LARGE1: variants seen among roughly 807,000 people sequenced by gnomAD.
The protein encoded by LARGE1 is xylosyl- and glucuronyltransferase LARGE1.
In LARGE1, 43 loss-of-function variants were observed where a neutral mutation model predicts 87.6. The observed-to-expected ratio is 0.49, with a 90% CI of 0.38 to 0.63. The LOEUF (loss-of-function observed/expected upper bound fraction) is 0.63. LARGE1 is among the 30% of genes least tolerant of loss of function. The probability of loss-of-function intolerance (pLI) is 0.00; values close to 1 mark genes in which losing one functional copy is unlikely to be tolerated. For missense variants in LARGE1, 802 were observed against 1,000.2 expected, an observed-to-expected ratio of 0.80 and a Z score of 2.67; for synonymous variants, 434 against 394.6, an observed-to-expected ratio of 1.10 and a Z score of -1.18.
chr22:33,638,115 C>T (rs28656978), intron 3 of LARGE1, among the ~76,000 whole-genome samples: 14,852 of 152,130 alleles, frequency 0.098, 2,342 homozygotes, highest in African/African-American at 0.33. Flanking sequence ...TGTCTAAATG[C>T]TATGATAGTA....
the LARGE1 span, among the ~76,000 whole-genome samples, chr22:33,151,195 T>A: frequency 3.3e-5 from 5 of 152,320 alleles, no homozygotes; most frequent in South Asian, 8.3e-4. Flanking sequence ...ATGTAAGAAT[T>A]CAATTTTTAG....
intron 9 of LARGE1, among the ~76,000 whole-genome samples, chr22:33,370,751 T>C (rs1376074038): frequency 6.6e-6 from 1 of 151,008 alleles, no homozygotes; most frequent in Non-Finnish European, 1.5e-5. Context: ...TAATACATAT[T>C]ATATTATAGA....
chr22:33,273,166 G>C lies in LARGE1; in HGVS notation c.*1261C>G. 2.7e-6 allele frequency: 1 copy of C among 369,842 alleles called. No individual in the cohort carries two copies. Among genetic ancestry groups the C allele is most frequent in the Non-Finnish European group, 4.8e-6 (1 of 208,444 alleles). The allele number at this position is 369,842 out of a possible 1,614,324, so 22.9% of individuals were successfully genotyped here. On this transcript the variant is annotated 3_prime_UTR_variant, in exon 15 of 15. Coordinates refer to ENST00000397394, the MANE Select transcript of LARGE1 (RefSeq NM_133642.5). Reference sequence around the variant, plus strand: ...ATACAAACAGCCCAGCAGAGGGTAGGGCATTAACTCTTGTTCTCATCAATG... The same window carrying C: ...ATACAAACAGCCCAGCAGAGGGTAGCGCATTAACTCTTGTTCTCATCAATG...
chr22:33,466,166 C>T (rs546076554), intron 6 of LARGE1, among the ~76,000 whole-genome samples: 5 of 152,308 alleles, frequency 3.3e-5, no homozygotes, highest in South Asian at 2.1e-4. Context: ...CTCATGCCCA[C>T]GCACATGCTG....
intron 1 of LARGE1, among the ~76,000 whole-genome samples, chr22:33,794,009 TAA>T (rs1406786152): frequency 6.7e-6 from 1 of 149,096 alleles, no homozygotes. Flanking sequence ...GCAGGGAAAA[TAA>T]AGTTTATTAA....
chr22:33,265,628 C>A (rs1927894014), intron 11 of LARGE1, among the ~76,000 whole-genome samples: 1 of 152,188 alleles, frequency 6.6e-6, no homozygotes. Flanking sequence ...ACCCATCTGC[C>A]TCTCATGAGG....
chr22:33,611,888 G>A (rs1348781287), intron 4 of LARGE1, among the ~76,000 whole-genome samples: 1 of 152,136 alleles, frequency 6.6e-6, no homozygotes, highest in Non-Finnish European at 1.5e-5. Flanking sequence ...TCTCATGTGA[G>A]CTGGCTGTTT....
At chr22:33,822,516 TGGTG>T (rs1390357347) in intron 1 of LARGE1, among the ~76,000 whole-genome samples, 4 of 152,142 alleles carry the variant, frequency 2.6e-5, no homozygotes, top group Non-Finnish European at 5.9e-5. Context: ...CTGGCCAACA[TGGTG>T]AAGCCCCATC....
At chr22:33,441,629 ATT>A (rs1260216280) in intron 6 of LARGE1, among the ~76,000 whole-genome samples, 1 of 150,668 alleles carries the variant, frequency 6.6e-6, no homozygotes, top group Non-Finnish European at 1.5e-5. Context: ...CTAACTTTAA[ATT>A]TTTTTTTGTA....
chr22:33,739,520 G>A (rs1208205610), intron 2 of LARGE1, among the ~76,000 whole-genome samples: 1 of 152,242 alleles, frequency 6.6e-6, no homozygotes, highest in African/African-American at 2.4e-5. Context: ...TTCTATTTGA[G>A]GGAGTATTTT....
intron 1 of LARGE1, among the ~76,000 whole-genome samples, chr22:33,811,721 C>A (rs942646501): frequency 2.0e-5 from 3 of 152,056 alleles, no homozygotes; most frequent in Admixed American, 6.6e-5. Context: ...TTTCTAGAGG[C>A]AAGAAGAAGT....
At chr22:33,476,640 A>T (rs984177041) in intron 6 of LARGE1, among the ~76,000 whole-genome samples, 2 of 152,184 alleles carry the variant, frequency 1.3e-5, no homozygotes, top group African/African-American at 4.8e-5. Context: ...CTTTGGGTTC[A>T]TATGTCCTTT....
intron 12 of LARGE1, among the ~76,000 whole-genome samples, chr22:33,285,644 C>CA (rs1555888777): frequency 6.6e-6 from 1 of 151,466 alleles, no homozygotes; most frequent in Non-Finnish European, 1.5e-5. Context: ...AACAAACAAA[C>CA]AAAAAAACCT....
chr22:33,385,343 A>T lies in LARGE1; in HGVS notation c.893-1039T>A, dbSNP rs1215524149. On this transcript the variant is annotated intron_variant, in intron 7 of 14. Coordinates refer to ENST00000397394, the MANE Select transcript of LARGE1 (RefSeq NM_133642.5). ...ACCTGAGGTCAGATTAGCCTGGCCA[A>T]CATGGTGAAACCCCATCTCTACTAA... Among the ~76,000 whole-genome samples the T allele has an allele frequency of 2.7e-5, 4 of 147,240 alleles. 1 individual carries two copies. The highest frequency in any genetic ancestry group is 4.5e-5 in the Non-Finnish European group (3 of 65,980).
chr22:33,251,223 T>C (rs966478158), intron 11 of LARGE1, among the ~76,000 whole-genome samples: 1 of 152,212 alleles, frequency 6.6e-6, no homozygotes, highest in African/African-American at 2.4e-5. Flanking sequence ...TCTGTTCTTC[T>C]GGATGTGGAA....
chr22:33,545,427 C>CACACACACACACACAT (rs780037134), intron 6 of LARGE1, among the ~76,000 whole-genome samples: 5 of 67,610 alleles, frequency 7.4e-5, no homozygotes, highest in African/African-American at 1.6e-4. Flanking sequence ...CTAACACACA[C>CACACACACACACACAT]ACACACACAC....
downstream of LARGE1, among the ~76,000 whole-genome samples, chr22:33,268,836 A>G (rs1248829791): frequency 3.3e-5 from 5 of 152,232 alleles, no homozygotes; most frequent in African/African-American, 1.2e-4. Flanking sequence ...AGGGACCCAC[A>G]TATTGAATCA....
chr22:33,417,591 T>C (rs2147524569), intron 7 of LARGE1, among the ~76,000 whole-genome samples: 1 of 152,346 alleles, frequency 6.6e-6, no homozygotes, highest in Admixed American at 6.5e-5. Context: ...ACCCTTATTA[T>C]TTCACAGTTA....
chr22:33,913,799 C>T (rs2065706423), intron 1 of LARGE1, among the ~76,000 whole-genome samples: 2 of 152,016 alleles, frequency 1.3e-5, no homozygotes, highest in Non-Finnish European at 2.9e-5. Context: ...CCACCTGCCT[C>T]GGCTTCCCAA....
Sources: gnomAD v4.1 joint callset for allele counts (sites outside exome capture counted in the v4.1 genomes callset) on GRCh38, gnomAD v4.1.1 for gene constraint, MANE v1.5 for transcripts, NCBI Gene and HGNC (gene_info 2026-07-23, HGNC 2026-07-21) for gene names.